TCEANC2: variants seen among roughly 807,000 people sequenced by gnomAD.
The protein encoded by TCEANC2 is transcription elongation factor A N-terminal and central domain-containing protein 2.
A neutral mutation model predicts 22.8 loss-of-function variants in TCEANC2; 20 were observed. The observed-to-expected ratio is 0.88, with a 90% CI of 0.62 to 1.28. The LOEUF (loss-of-function observed/expected upper bound fraction) is 1.28. Ranked by LOEUF, TCEANC2 falls within the 50% of genes most tolerant of loss-of-function variation. TCEANC2 has a pLI of 0.00. For missense variants in TCEANC2, 251 were observed against 249.7 expected, an observed-to-expected ratio of 1.01 and a Z score of -0.03; for synonymous variants, 84 against 95.5, an observed-to-expected ratio of 0.88 and a Z score of 0.70.
chr1:54,062,633 A>G (rs1657879996), intron 2 of TCEANC2, among the ~76,000 whole-genome samples: 2 of 152,234 alleles, frequency 1.3e-5, no homozygotes, highest in Admixed American at 1.3e-4. Flanking sequence ...CAAGTTGCAG[A>G]GGGACGCAAA....
intron 4 of TCEANC2, among the ~76,000 whole-genome samples, chr1:54,089,330 T>C (rs1365654905): frequency 6.6e-6 from 1 of 152,222 alleles, no homozygotes; most frequent in Non-Finnish European, 1.5e-5. Context: ...AATAGCTGTC[T>C]ATTGAAAAGA....
At chr1:54,078,459 G>C (rs1658183605) in intron 3 of TCEANC2, among the ~76,000 whole-genome samples, 1 of 152,100 alleles carries the variant, frequency 6.6e-6, no homozygotes, top group Non-Finnish European at 1.5e-5. Flanking sequence ...TTATTGGACT[G>C]TCTCTATGGG....
intron 2 of TCEANC2, among the ~76,000 whole-genome samples, chr1:54,067,778 C>T (rs1657985138): frequency 6.6e-6 from 1 of 152,132 alleles, no homozygotes; most frequent in Admixed American, 6.6e-5. Context: ...ATGTAGAAAA[C>T]TGCACAAATT....
chr1:54,072,109 GCAA>G (rs1385451791), intron 3 of TCEANC2, among the ~76,000 whole-genome samples: 1 of 152,066 alleles, frequency 6.6e-6, no homozygotes, highest in African/African-American at 2.4e-5. Flanking sequence ...ACTATGCCTG[GCAA>G]CAACAATTAT....
downstream of TCEANC2, among the ~76,000 whole-genome samples, chr1:54,106,440 C>T (rs1658755117): frequency 6.6e-6 from 1 of 151,976 alleles, no homozygotes; most frequent in Non-Finnish European, 1.5e-5. Flanking sequence ...GTCCAATATG[C>T]CCCAAATATT....
intron 3 of TCEANC2, among the ~76,000 whole-genome samples, chr1:54,081,208 A>G (rs1422123695): frequency 6.6e-6 from 1 of 152,110 alleles, no homozygotes; most frequent in Non-Finnish European, 1.5e-5. Context: ...AAAGTGGTTA[A>G]CACAATAGCT....
At chr1:54,089,995 C>T in intron 4 of TCEANC2, 1 of 680,900 alleles carries the variant, frequency 1.5e-6, no homozygotes, top group South Asian at 1.6e-5. Flanking sequence ...AGTGGAACCA[C>T]TTTCTGTATT....
chr1:54,104,482 G>A lies in TCEANC2; in HGVS notation c.*8009G>A, dbSNP rs780157422. ...GCTGTTAAGCAATGGAGGGAAGGGA[G>A]GTATATCTTTGGTACTCAGTTGATT... On this transcript the variant is annotated 3_prime_UTR_variant, in exon 5 of 5. Transcript: ENST00000234827. 20 of 395,392 alleles carry A rather than the reference G, an allele frequency of 5.1e-5. No individual in the cohort carries two copies. Among genetic ancestry groups the A allele is most frequent in the African/African-American group, 3.7e-4 (18 of 48,138 alleles). 24.5% of individuals were successfully genotyped at this position (395,392 alleles called of 1,614,324 possible).
At chr1:54,072,085 T>C (rs1177789833) in intron 3 of TCEANC2, among the ~76,000 whole-genome samples, 1 of 152,210 alleles carries the variant, frequency 6.6e-6, no homozygotes, top group African/African-American at 2.4e-5. Flanking sequence ...GTGCTGGGAT[T>C]ACATGTGTGA....
chr1:54,058,622 A>C (rs1657796208), intron 2 of TCEANC2, among the ~76,000 whole-genome samples: 1 of 152,128 alleles, frequency 6.6e-6, no homozygotes, highest in Non-Finnish European at 1.5e-5. Flanking sequence ...ATATGTACGC[A>C]TTCCAGCCAC....
chr1:54,110,219 T>C (rs1418004850), downstream of TCEANC2, among the ~76,000 whole-genome samples: 2 of 152,182 alleles, frequency 1.3e-5, no homozygotes, highest in Admixed American at 1.3e-4. Flanking sequence ...TGGGAGCCCC[T>C]TGTCCCTTCT....
At position 54,099,340 on chromosome 1, in the gene TCEANC2, C is replaced by T. The variant is rs1341941320; in HGVS notation, c.*2867C>T. The T allele has an allele frequency of 3.3e-5, 5 of 152,166 alleles. No homozygotes were observed. The highest frequency in any genetic ancestry group is 4.4e-5 in the Non-Finnish European group (3 of 68,058). 9.4% of individuals were successfully genotyped at this position (152,166 alleles called of 1,614,324 possible). ...GATGCATGTGCAGAATTTCCATGAA[C>T]GCTAATGGAGCTATTCTGAGCATTT... is the stretch of plus-strand genomic sequence containing the variant. On this transcript the variant is annotated 3_prime_UTR_variant, in exon 5 of 5. Transcript: ENST00000234827.
At chr1:54,084,660 G>A (rs544391003) in intron 3 of TCEANC2, among the ~76,000 whole-genome samples, 2 of 151,988 alleles carry the variant, frequency 1.3e-5, no homozygotes, top group Middle Eastern at 3.4e-3. Context: ...TCAGGAGTTC[G>A]AGACCAGCCT....
chr1:54,077,503 C>A (rs891577039), intron 3 of TCEANC2, among the ~76,000 whole-genome samples: 1 of 152,074 alleles, frequency 6.6e-6, no homozygotes, highest in Non-Finnish European at 1.5e-5. Context: ...GAATTTGAGA[C>A]CATTGATACT....
chr1:54,087,790 C>G (rs1430879600), intron 3 of TCEANC2, among the ~76,000 whole-genome samples: 1 of 152,190 alleles, frequency 6.6e-6, no homozygotes, highest in African/African-American at 2.4e-5. Flanking sequence ...AGAAAAATCA[C>G]TGACTGTGGA....
intron 3 of TCEANC2, among the ~76,000 whole-genome samples, chr1:54,077,010 A>G (rs955915590): frequency 1.3e-5 from 2 of 150,668 alleles, no homozygotes; most frequent in Non-Finnish European, 2.9e-5. Flanking sequence ...AAGGTGAGGA[A>G]GTGAGCCATG....
At position 54,103,060 on chromosome 1, in the gene TCEANC2, G is replaced by C. The variant is rs1034798854; in HGVS notation, c.*6587G>C. Reference sequence around the variant, plus strand: ...TGGAGGCATGTAGTTGGACCTATAGGAGTGGGCACCAAGTGTGAAGATCAT... The same window carrying C: ...TGGAGGCATGTAGTTGGACCTATAGCAGTGGGCACCAAGTGTGAAGATCAT... On this transcript the variant is annotated 3_prime_UTR_variant, in exon 5 of 5. Transcript: ENST00000234827. The C allele has an allele frequency of 6.6e-6, 1 of 152,296 alleles. No individual in the cohort carries two copies. The highest frequency in any genetic ancestry group is 2.4e-5 in the African/African-American group (1 of 41,456). 9.4% of individuals were successfully genotyped at this position (152,296 alleles called of 1,614,324 possible).
intron 3 of TCEANC2, among the ~76,000 whole-genome samples, chr1:54,072,638 G>A (rs1372817909): frequency 6.6e-6 from 1 of 151,984 alleles, no homozygotes; most frequent in Non-Finnish European, 1.5e-5. Flanking sequence ...CTCGTGATCT[G>A]CCTGCCTCAG....
Position 54,053,641 on chromosome 1 carries a change from G to A in TCEANC2, c.-160G>A, listed in dbSNP as rs934515927. The A allele has an allele frequency of 2.4e-5, 4 of 163,586 alleles. No homozygotes were observed. Among genetic ancestry groups the A allele is most frequent in the Non-Finnish European group, 5.4e-5 (4 of 74,562 alleles). The allele number at this position is 163,586 out of a possible 1,614,324, so 10.1% of individuals were successfully genotyped here. On this transcript the variant is annotated 5_prime_UTR_variant, in exon 1 of 5. Transcript: ENST00000234827. ...GAGGGCCGGCGGAGTTTCTTCAGAG[G>A]AACTACCGCCCTGGGAGGAAGCGTC... is the stretch of plus-strand genomic sequence containing the variant.
Sources: gnomAD v4.1 joint callset for allele counts (sites outside exome capture counted in the v4.1 genomes callset) on GRCh38, gnomAD v4.1.1 for gene constraint, MANE v1.5 for transcripts, NCBI Gene and HGNC (gene_info 2026-07-23, HGNC 2026-07-21) for gene names.